CALN1: variants seen among roughly 807,000 people sequenced by gnomAD.
CALN1 encodes calcium-binding protein 8.
Under a neutral mutation model 30.6 loss-of-function variants are expected in CALN1, and 17 were observed. That is an observed-to-expected ratio of 0.56 (90% CI 0.38 to 0.83). The LOEUF (loss-of-function observed/expected upper bound fraction) is 0.83. CALN1 is among the 40% of genes least tolerant of loss of function. The pLI is 0.00. For synonymous variants in CALN1, 156 were observed against 131.4 expected, an observed-to-expected ratio of 1.19 and a Z score of -1.28; for missense variants, 291 against 354.9, an observed-to-expected ratio of 0.82 and a Z score of 1.45.
At chr7:72,184,755 AG>A (rs1234869207) in intron 3 of CALN1, among the ~76,000 whole-genome samples, 1 of 152,000 alleles carries the variant, frequency 6.6e-6, no homozygotes, top group African/African-American at 2.4e-5. Flanking sequence ...GCAGGTACTT[AG>A]GGAGGAATCA....
At chr7:72,147,649 A>G (rs1198528091) in intron 3 of CALN1, among the ~76,000 whole-genome samples, 7 of 152,126 alleles carry the variant, frequency 4.6e-5, no homozygotes, top group East Asian at 1.9e-4. Context: ...ACATGCACAC[A>G]TATGTTTATT....
the CALN1 span, among the ~76,000 whole-genome samples, chr7:72,474,550 A>G: frequency 6.6e-6 from 1 of 152,018 alleles, no homozygotes; most frequent in Non-Finnish European, 1.5e-5. Flanking sequence ...ACCAGGTGTG[A>G]TGGCAATCCC....
chr7:72,302,770 C>G (rs1486460621), intron 2 of CALN1, among the ~76,000 whole-genome samples: 1 of 151,586 alleles, frequency 6.6e-6, no homozygotes, highest in Non-Finnish European at 1.5e-5. Context: ...TGGTGGGCAC[C>G]TGTAGTCCCA....
intron 5 of CALN1, among the ~76,000 whole-genome samples, chr7:71,851,675 A>C (rs1476913672): frequency 6.6e-6 from 1 of 152,076 alleles, no homozygotes; most frequent in African/African-American, 2.4e-5. Flanking sequence ...AATAGGAGGG[A>C]AACAGAGAGA....
intron 5 of CALN1, among the ~76,000 whole-genome samples, chr7:71,841,900 T>C (rs1789959606): frequency 6.6e-6 from 1 of 151,894 alleles, no homozygotes; most frequent in South Asian, 2.1e-4. Context: ...TATTGAGTAT[T>C]ATGTTCACCA....
chr7:72,323,669 A>T lies in CALN1; in HGVS notation c.120-44859T>A, dbSNP rs1051995302. ...AGAGCGAGACTCCATCTCAAAAAAA[A>T]AAAAATAAAAAATAAAGAGAACAAA... On this transcript the variant is annotated intron_variant, in intron 2 of 6. Coordinates refer to ENST00000395275, the MANE Select transcript of CALN1 (RefSeq NM_031468.4). Among the ~76,000 whole-genome samples, 52 of 150,882 alleles carry T rather than the reference A, an allele frequency of 3.4e-4. 1 individual carries two copies. The highest frequency in any genetic ancestry group is 9.9e-4 in the East Asian group (5 of 5,036).
At chr7:72,373,677 C>T (rs1804381177) in intron 2 of CALN1, among the ~76,000 whole-genome samples, 1 of 152,118 alleles carries the variant, frequency 6.6e-6, no homozygotes, top group Non-Finnish European at 1.5e-5. Flanking sequence ...CATTTTCAAC[C>T]TAAAGATCCT....
rs138054956 is a variant in CALN1 at position 71,952,711 on chromosome 7, C to T, written c.501+70946G>A. Among the ~76,000 whole-genome samples, 1,450 of 152,148 alleles carry T rather than the reference C, an allele frequency of 9.5e-3. 20 individuals are homozygous for T. Among genetic ancestry groups the T allele is most frequent in the African/African-American group, 0.032 (1,314 of 41,492 alleles). ...TACGGCCATACGGACGCCCCAGGTGCCGGGCTGTTCCCTCTTGCACAATCT... is the reference window on the plus strand; with the variant it reads ...TACGGCCATACGGACGCCCCAGGTGTCGGGCTGTTCCCTCTTGCACAATCT... On this transcript the variant is annotated intron_variant, in intron 5 of 6. Coordinates refer to ENST00000395275, the MANE Select transcript of CALN1 (RefSeq NM_031468.4).
intron 3 of CALN1, among the ~76,000 whole-genome samples, chr7:72,262,361 T>C (rs964470503): frequency 5.9e-5 from 9 of 152,180 alleles, no homozygotes; most frequent in Non-Finnish European, 8.8e-5. Flanking sequence ...GTTTCTTTTT[T>C]CTTTTTAGAT....
chr7:72,017,014 A>AAAAAAAAAAAAAAAAAAAAAAC (rs1800424655), intron 5 of CALN1, among the ~76,000 whole-genome samples: 1 of 147,410 alleles, frequency 6.8e-6, no homozygotes, highest in African/African-American at 2.6e-5. Flanking sequence ...AAAAAAAAAA[A>AAAAAAAAAAAAAAAAAAAAAAC]AAAGCTGGGT....
chr7:72,451,137 AAGAAGG>A (rs1808646837), upstream of CALN1, among the ~76,000 whole-genome samples: 1 of 148,468 alleles, frequency 6.7e-6, no homozygotes, highest in Non-Finnish European at 1.5e-5. Flanking sequence ...GATAGAGAAG[AAGAAGG>A]AGAAGGAGAA....
intron 3 of CALN1, among the ~76,000 whole-genome samples, chr7:72,179,720 T>A (rs1486318434): frequency 6.6e-6 from 1 of 152,160 alleles, no homozygotes; most frequent in Non-Finnish European, 1.5e-5. Flanking sequence ...TTTTGCCACA[T>A]TTGCTTCATC....
intron 2 of CALN1, among the ~76,000 whole-genome samples, chr7:72,382,220 T>G (rs1804946406): frequency 6.6e-6 from 1 of 152,120 alleles, no homozygotes. Flanking sequence ...AATGGCTATA[T>G]CCAGGGAGAT....
intron 4 of CALN1, among the ~76,000 whole-genome samples, chr7:72,048,208 T>C (rs1802605590): frequency 6.6e-6 from 1 of 151,934 alleles, no homozygotes; most frequent in African/African-American, 2.4e-5. Context: ...CCCGGCTAAT[T>C]TTTGTATTTT....
the CALN1 span, among the ~76,000 whole-genome samples, chr7:72,463,733 A>AT: frequency 6.7e-6 from 1 of 150,144 alleles, no homozygotes; most frequent in Non-Finnish European, 1.5e-5. Flanking sequence ...CAAATTTTTA[A>AT]TTTTTTTTGT....
At chr7:71,997,858 T>A (rs1268149382) in intron 5 of CALN1, among the ~76,000 whole-genome samples, 1 of 152,128 alleles carries the variant, frequency 6.6e-6, no homozygotes, top group Non-Finnish European at 1.5e-5. Flanking sequence ...TTCGCTCTTG[T>A]CCCCCTGGCT....
intron 4 of CALN1, among the ~76,000 whole-genome samples, chr7:72,050,355 T>G (rs1223077352): frequency 6.6e-6 from 1 of 152,062 alleles, no homozygotes; most frequent in Admixed American, 6.6e-5. Context: ...TAACAGATAA[T>G]ATACAGAATG....
At chr7:72,351,921 G>A (rs1802943072) in intron 2 of CALN1, among the ~76,000 whole-genome samples, 1 of 152,108 alleles carries the variant, frequency 6.6e-6, no homozygotes, top group Non-Finnish European at 1.5e-5. Flanking sequence ...ATCTTTTCAA[G>A]TGCCTTTTGA....
At chr7:72,093,729 G>C (rs915125312) in intron 4 of CALN1, among the ~76,000 whole-genome samples, 4 of 152,100 alleles carry the variant, frequency 2.6e-5, no homozygotes, top group Non-Finnish European at 5.9e-5. Flanking sequence ...CAGAGAACTA[G>C]ATTGCTTCTG....
Sources: allele counts gnomAD v4.1 joint callset (sites outside exome capture counted in the v4.1 genomes callset), GRCh38; gene constraint gnomAD v4.1.1; transcripts MANE v1.5; gene names NCBI Gene and HGNC (gene_info 2026-07-23, HGNC 2026-07-21).